VSTM4: variants seen among roughly 807,000 people sequenced by gnomAD.
The protein encoded by VSTM4 is V-set and transmembrane domain containing 4, also known as V-set and transmembrane domain-containing protein 4.
VSTM4 carries 20 observed loss-of-function variants against 36.4 expected under a neutral mutation model. That is an observed-to-expected ratio of 0.55 (90% CI 0.39 to 0.80). VSTM4 has a LOEUF of 0.80. Ranked by LOEUF, VSTM4 falls within the 30% of genes least tolerant of loss-of-function variation. The pLI is 0.00. For synonymous variants in VSTM4, 182 were observed against 173.9 expected (o/e 1.05, Z -0.37); for missense variants, 392 against 404.5 (o/e 0.97, Z 0.26).
intron 5 of VSTM4, among the ~76,000 whole-genome samples, chr10:49,058,244 G>A (rs7070387): frequency 0.37 from 56,601 of 152,012 alleles, 11,744 homozygotes; most frequent in African/African-American, 0.56. Flanking sequence ...AAAAGGCCAG[G>A]AGACATCCTG....
At chr10:49,069,279 G>A (rs1023484869) in intron 4 of VSTM4, among the ~76,000 whole-genome samples, 12 of 152,162 alleles carry the variant, frequency 7.9e-5, no homozygotes, top group South Asian at 2.1e-4. Context: ...CCCTGGCCAC[G>A]TCTTCTGACC....
At chr10:49,102,908 AAAT>A (rs2132020532) in intron 2 of VSTM4, 1 of 269,982 alleles carries the variant, frequency 3.7e-6, no homozygotes, top group Non-Finnish European at 5.7e-6. Flanking sequence ...ACACACCCAG[AAAT>A]AATGTTTTAC....
Position 49,094,410 on chromosome 10 carries a change from G to T in VSTM4, c.458-8387C>A, listed in dbSNP as rs1031362885. On this transcript the variant is annotated intron_variant, in intron 2 of 7. Coordinates refer to ENST00000332853, the MANE Select transcript of VSTM4 (RefSeq NM_001031746.5). ...TTCTTAAACAGAAGATGATTCTTAA[G>T]TTCCCTCAAGCTGAAAGGAAGCGGA... Among the ~76,000 whole-genome samples, 3 of 152,218 alleles carry T rather than the reference G, an allele frequency of 2.0e-5. No individual in the cohort carries two copies. In the South Asian group the frequency reaches 6.2e-4, roughly 32 times the overall value.
intron 7 of VSTM4, among the ~76,000 whole-genome samples, chr10:49,039,712 T>C (rs928758994): frequency 6.6e-6 from 1 of 152,144 alleles, no homozygotes; most frequent in Non-Finnish European, 1.5e-5. Context: ...TTCATTCAAC[T>C]CCAAGGTTGA....
At chr10:49,111,275 T>C (rs1844889344) in intron 1 of VSTM4, among the ~76,000 whole-genome samples, 1 of 152,072 alleles carries the variant, frequency 6.6e-6, no homozygotes, top group South Asian at 2.1e-4. Flanking sequence ...TCCGTTATCT[T>C]CCCCCGCAGT....
rs754438675 is a variant in VSTM4 at position 49,048,588 on chromosome 10, T to C, written c.669-4A>G. 35 of 1,570,068 alleles carry C rather than the reference T, an allele frequency of 2.2e-5. No individual in the cohort carries two copies. The highest frequency in any genetic ancestry group is 9.8e-5 in the African/African-American group (7 of 71,426). On this transcript the variant is annotated splice_region_variant and splice_polypyrimidine_tract_variant and intron_variant, in intron 5 of 7. Coordinates refer to ENST00000332853, the MANE Select transcript of VSTM4 (RefSeq NM_001031746.5). ...GCTAGTGACAGTCTCCCCTGAGCTG[T>C]AGAAGAAAAAGTTTCCAGTGAAACC... is the stretch of plus-strand genomic sequence containing the variant.
At chr10:49,078,839 T>C (rs1432665994) in intron 3 of VSTM4, among the ~76,000 whole-genome samples, 1 of 150,832 alleles carries the variant, frequency 6.6e-6, no homozygotes, top group South Asian at 2.2e-4. Flanking sequence ...GTATGATTTT[T>C]TAGAAATTGA....
chr10:49,024,458 GGAGAAGAGGT>G (rs1190194513), intron 7 of VSTM4, among the ~76,000 whole-genome samples: 6 of 152,296 alleles, frequency 3.9e-5, no homozygotes, highest in Non-Finnish European at 8.8e-5. Context: ...AAGTGTTCAT[GGAGAAGAGGT>G]GAGGAGAGTG....
At chr10:49,070,924 C>T (rs1266659888) in intron 4 of VSTM4, among the ~76,000 whole-genome samples, 2 of 152,230 alleles carry the variant, frequency 1.3e-5, no homozygotes, top group African/African-American at 4.8e-5. Context: ...TCCACAGCCA[C>T]CCCATTCTGT....
chr10:49,052,819 C>T (rs900238716), intron 5 of VSTM4, among the ~76,000 whole-genome samples: 1 of 152,018 alleles, frequency 6.6e-6, no homozygotes, highest in Non-Finnish European at 1.5e-5. Context: ...TCAGGGATTT[C>T]CTTAAGGTGG....
At chr10:49,110,454 C>T (rs1407342246) in intron 1 of VSTM4, among the ~76,000 whole-genome samples, 4 of 152,062 alleles carry the variant, frequency 2.6e-5, no homozygotes, top group Non-Finnish European at 5.9e-5. Flanking sequence ...TCCCTGCCTT[C>T]ATTTTGCCCC....
rs184853481 is a variant in VSTM4, at chr10:49,025,756, G to T, written c.838-5981C>A. Among the ~76,000 whole-genome samples, 158 of 152,362 alleles carry T rather than the reference G, an allele frequency of 1.0e-3. 1 individual carries two copies. The highest frequency in any genetic ancestry group is 1.9e-3 in the Non-Finnish European group (128 of 68,036). ...TGGCTACCAAGTGACCGGCACACGG[G>T]CTAGCTGCAGGACATTCCTGCCCTC... On this transcript the variant is annotated intron_variant, in intron 7 of 7. Coordinates refer to ENST00000332853, the MANE Select transcript of VSTM4 (RefSeq NM_001031746.5).
At chr10:49,100,010 C>A (rs989084584) in intron 2 of VSTM4, among the ~76,000 whole-genome samples, 1 of 150,186 alleles carries the variant, frequency 6.7e-6, no homozygotes. Context: ...AGCCAGACTC[C>A]GTGAAAAAGG....
chr10:49,105,205 C>CAG (rs1844752751), intron 2 of VSTM4, among the ~76,000 whole-genome samples: 3 of 70,638 alleles, frequency 4.2e-5, no homozygotes, highest in African/African-American at 6.0e-5. Flanking sequence ...GAGGGAGAGA[C>CAG]AGAGAGACAG....
chr10:49,015,056 T>C lies in VSTM4; in HGVS notation c.*4594A>G, dbSNP rs1014701093. 1 of 151,850 alleles carries C rather than the reference T, an allele frequency of 6.6e-6. No individual in the cohort carries two copies. 9.4% of individuals were successfully genotyped at this position (151,850 alleles called of 1,614,324 possible). On this transcript the variant is annotated 3_prime_UTR_variant, in exon 8 of 8. Coordinates refer to ENST00000332853, the MANE Select transcript of VSTM4 (RefSeq NM_001031746.5). ...CAGGGACCAGAAGCATGGACATCCCTGGGAGCTTGTTAGAAACTCAGAATC... is the reference window on the plus strand; with the variant it reads ...CAGGGACCAGAAGCATGGACATCCCCGGGAGCTTGTTAGAAACTCAGAATC...
intron 2 of VSTM4, chr10:49,103,709 T>C (rs1844710940): frequency 1.9e-6 from 3 of 1,607,244 alleles, no homozygotes; most frequent in East Asian, 2.2e-5. Context: ...TTTCTGGGAG[T>C]TTCCAGTGAA....
At chr10:49,036,514 C>T (rs189136101) in intron 7 of VSTM4, among the ~76,000 whole-genome samples, 93 of 152,140 alleles carry the variant, frequency 6.1e-4, no homozygotes, top group Admixed American at 1.1e-3. Flanking sequence ...AGCACATTAA[C>T]GACAACAAGA....
At chr10:49,050,354 G>C (rs1843678489) in intron 5 of VSTM4, among the ~76,000 whole-genome samples, 1 of 152,166 alleles carries the variant, frequency 6.6e-6, no homozygotes. Flanking sequence ...ACAGGACAGG[G>C]AGAATCATTA....
intron 4 of VSTM4, among the ~76,000 whole-genome samples, chr10:49,067,441 C>T (rs1486754513): frequency 3.9e-5 from 6 of 152,228 alleles, no homozygotes. Flanking sequence ...ATCCTCAGTA[C>T]TTCAGAATGT....
Sources: allele counts gnomAD v4.1 joint callset (sites outside exome capture counted in the v4.1 genomes callset), GRCh38; gene constraint gnomAD v4.1.1; transcripts MANE v1.5; gene names NCBI Gene and HGNC (gene_info 2026-07-23, HGNC 2026-07-21).